Variants in DNAH17 observed in about 807,000 individuals in gnomAD.
DNAH17 encodes axonemal beta dynein heavy chain 17.
Under a neutral mutation model 485.6 loss-of-function variants are expected in DNAH17, and 376 were observed. The ratio of observed to expected loss-of-function variants is 0.77; its 90% CI spans 0.71 to 0.84. DNAH17 has a LOEUF of 0.84. Among genes scored for constraint, DNAH17 ranks in the 40% least tolerant of loss-of-function variants. The pLI is 0.00. For missense variants in DNAH17, 6,370 were observed against 5,839.3 expected, an observed-to-expected ratio of 1.09 and a Z score of -2.96; for synonymous variants, 3,031 against 2,405.9, an observed-to-expected ratio of 1.26 and a Z score of -7.60.
At chr17:78,436,315 C>A (rs139370490) in intron 74 of DNAH17, among the ~76,000 whole-genome samples, 1 of 152,290 alleles carries the variant, frequency 6.6e-6, no homozygotes, top group East Asian at 1.9e-4. Flanking sequence ...GTAATCCCAG[C>A]TACTTGGGAG....
rs2091034826 is a variant in DNAH17, at chr17:78,525,197, T to A, written c.3712-36A>T. 3.7e-6 allele frequency: 6 copies of A among 1,601,210 alleles called. No individual in the cohort carries two copies. In the South Asian group the frequency reaches 5.5e-5, roughly 15 times the overall value. Reference sequence around the variant, plus strand: ...CGAGGGGGCCGTCAGTAGGGCTACCTACCCTCAGCGGTGCCCCACCCCACT... The same window carrying A: ...CGAGGGGGCCGTCAGTAGGGCTACCAACCCTCAGCGGTGCCCCACCCCACT... On this transcript the variant is annotated intron_variant, in intron 24 of 80. Coordinates refer to ENST00000389840, the MANE Select transcript of DNAH17 (RefSeq NM_173628.4).
At position 78,560,794 on chromosome 17, in the gene DNAH17, C is replaced by T. The variant is rs532810985; in HGVS notation, c.1977G>A (p.Pro659=). The change falls in exon 13 of 81, where the codon CCG becomes CCA. Residue 659 remains proline, a synonymous_variant. Transcript: ENST00000389840. ...TGCTAGCGGCGTCCCGCAGAATCAG[C>T]GGCTGCCCCAGGTTAAAGTGGCAGT... ...DQDCHFNLGQ[P]LILRDAASNL... is the part of the protein sequence containing the mutation. The T allele has an allele frequency of 1.6e-5, 25 of 1,552,022 alleles. No homozygotes were observed. The East Asian group carries it at 2.2e-4, about 14-fold the overall frequency.
At chr17:78,475,215 GAA>G in intron 54 of DNAH17, 61 bp downstream of exon 54, 1 of 1,553,088 alleles carries the variant, frequency 6.4e-7, no homozygotes, top group Non-Finnish European at 8.8e-7. Flanking sequence ...AAAAGGGAGT[GAA>G]GTTTTTCTTT....
At position 78,455,632 on chromosome 17, in the gene DNAH17, T is replaced by C. The variant is rs1444366608; in HGVS notation, c.10170+12A>G. ...GTGAGCCACCGCGCCTGGCCAGGAC[T>C]CCACTCCTTACCTTTAAGTTATGTA... On this transcript the variant is annotated intron_variant, in intron 63 of 80. Coordinates refer to ENST00000389840, the MANE Select transcript of DNAH17 (RefSeq NM_173628.4). The C allele has an allele frequency of 7.2e-6, 11 of 1,533,052 alleles. No homozygotes were observed. The Admixed American group carries it at 1.8e-4, about 26-fold the overall frequency. The allele number at this position is 1,533,052 out of a possible 1,614,324, so 95.0% of individuals were successfully genotyped here.
chr17:78,511,193 C>T (rs1328119931), intron 26 of DNAH17, among the ~76,000 whole-genome samples: 1 of 152,226 alleles, frequency 6.6e-6, no homozygotes, highest in Non-Finnish European at 1.5e-5. Flanking sequence ...CTGGAACCTC[C>T]ACCTCCCGGG....
intron 44 of DNAH17, chr17:78,489,702 G>T (rs575109933): frequency 1.3e-5 from 2 of 151,430 alleles, no homozygotes; most frequent in South Asian, 2.1e-4. Context: ...CACGGTGCTG[G>T]TTTTTCTCAG....
chr17:78,438,445 G>GGAGGGA (rs1473139795), intron 73 of DNAH17, among the ~76,000 whole-genome samples: 1 of 7,588 alleles, frequency 1.3e-4, no homozygotes, highest in African/African-American at 4.8e-4. Context: ...AGGAGGAGGA[G>GGAGGGA]GGAGGAGGGA....
chr17:78,428,424 A>C, intron 77 of DNAH17, 101 bp downstream of exon 77: 4 of 1,402,122 alleles, frequency 2.9e-6, no homozygotes, highest in Non-Finnish European at 3.9e-6. Flanking sequence ...AGTGTACCTC[A>C]CCAGCAAGTT....
At chr17:78,445,950 T>C (rs559182282) in intron 69 of DNAH17, among the ~76,000 whole-genome samples, 19 of 129,364 alleles carry the variant, frequency 1.5e-4, no homozygotes, top group Non-Finnish European at 2.1e-4. Flanking sequence ...AGGGGGTGGA[T>C]CACTTGAGCT....
intron 25 of DNAH17, among the ~76,000 whole-genome samples, chr17:78,516,424 C>T (rs926513758): frequency 2.0e-5 from 3 of 152,156 alleles, no homozygotes; most frequent in African/African-American, 4.8e-5. Context: ...CGGCGGCTCA[C>T]GCCTGCAATC....
At chr17:78,426,823 T>C (rs1050177782) in intron 78 of DNAH17, 103 bp downstream of exon 78, 3 of 1,413,314 alleles carry the variant, frequency 2.1e-6, no homozygotes, top group African/African-American at 2.9e-5. Context: ...AGCAGTACCA[T>C]GCTGATCCGG....
intron 14 of DNAH17, among the ~76,000 whole-genome samples, chr17:78,554,435 TC>T (rs2091974635): frequency 4.1e-5 from 1 of 24,322 alleles, no homozygotes; most frequent in African/African-American, 1.2e-4. Context: ...AGACTCTGTC[TC>T]AAAAAAAAAA....
rs1052737534 is a variant in DNAH17 at position 78,425,725 on chromosome 17, G to A, written c.12916-154C>T. The stretch of plus-strand genomic sequence containing the variant: ...GACAGAGTAGGGGCCATGGAGCCCA[G>A]CCACCTACCATGACGCAACTTTGGT... On this transcript the variant is annotated intron_variant, in intron 79 of 80. Coordinates refer to ENST00000389840, the MANE Select transcript of DNAH17 (RefSeq NM_173628.4). 63 of 523,392 alleles carry A rather than the reference G, an allele frequency of 1.2e-4. 1 individual carries two copies. The highest frequency in any genetic ancestry group is 1.6e-4 in the Non-Finnish European group (50 of 313,470). The allele number at this position is 523,392 out of a possible 1,614,324, so 32.4% of individuals were successfully genotyped here.
chr17:78,559,736 C>G (rs1453200170), intron 13 of DNAH17, among the ~76,000 whole-genome samples: 1 of 152,202 alleles, frequency 6.6e-6, no homozygotes, highest in Admixed American at 6.5e-5. Context: ...TCAAACCAAA[C>G]TCCAAGTCCC....
chr17:78,495,277 C>G lies in DNAH17; in HGVS notation c.5904-180G>C, dbSNP rs1049464792. On this transcript the variant is annotated intron_variant, in intron 38 of 80. Transcript: ENST00000389840. ...GCCTGCTCCCTACTTCCCTCCTCCTCCCACATCATCCACTGGGTGCACCTT... is the reference window on the plus strand; with the variant it reads ...GCCTGCTCCCTACTTCCCTCCTCCTGCCACATCATCCACTGGGTGCACCTT... 3.9e-5 allele frequency among the ~76,000 whole-genome samples: 6 copies of G among 152,286 alleles called. No homozygotes were observed. The South Asian group carries it at 1.2e-3, about 32-fold the overall frequency.
rs1172503451 is a variant in DNAH17, at chr17:78,500,458, G to A, written c.5487C>T (p.Cys1829=). The part of the protein sequence containing the change: ...RLVITPLTDR[C]YITLTQSLHL... ...GGAGGGACTGGGTCAGGGTGATATA[G>A]CACCTGCAAGTGACCACAGGTAAGC... Residue 1829 remains cysteine, a synonymous_variant, in exon 36 of 81, where the codon TGC becomes TGT. Transcript: ENST00000389840. 3 of 1,568,558 alleles carry A rather than the reference G, an allele frequency of 1.9e-6. No individual in the cohort carries two copies. The highest frequency in any genetic ancestry group is 1.2e-5 in the South Asian group (1 of 85,436).
intron 51 of DNAH17, among the ~76,000 whole-genome samples, chr17:78,478,514 C>G (rs1201546345): frequency 2.8e-5 from 4 of 144,244 alleles, no homozygotes; most frequent in African/African-American, 1.0e-4. Context: ...CACCATCACC[C>G]TCACCACCAC....
intron 54 of DNAH17, among the ~76,000 whole-genome samples, chr17:78,470,069 C>CTTTTTTT (rs34298026): frequency 8.6e-5 from 8 of 93,354 alleles, no homozygotes; most frequent in East Asian, 3.3e-4. Flanking sequence ...ATGTCTTACT[C>CTTTTTTT]TTTTTTTTTT....
At chr17:78,566,432 C>T (rs2092266745) in intron 11 of DNAH17, among the ~76,000 whole-genome samples, 182 bp downstream of exon 11, 4 of 152,162 alleles carry the variant, frequency 2.6e-5, no homozygotes, top group Non-Finnish European at 5.9e-5. Flanking sequence ...CAGTAAGAAC[C>T]ATCAGGAGCT....
Sources: allele counts gnomAD v4.1 joint callset (sites outside exome capture counted in the v4.1 genomes callset), GRCh38; gene constraint gnomAD v4.1.1; transcripts MANE v1.5; gene names NCBI Gene and HGNC (gene_info 2026-07-23, HGNC 2026-07-21).